Variants in DCC observed in about 807,000 individuals in gnomAD.
DCC encodes DCC netrin 1 receptor, also known as netrin receptor DCC.
A neutral mutation model predicts 172.5 loss-of-function variants in DCC; 58 were observed. The ratio of observed to expected loss-of-function variants is 0.34; its 90% CI spans 0.27 to 0.42. DCC has a LOEUF of 0.42. DCC is among the 10% of genes least tolerant of loss of function. The pLI is 1.00. For synonymous variants in DCC, 709 were observed against 644.5 expected, an observed-to-expected ratio of 1.10 and a Z score of -1.52; for missense variants, 1,740 against 1,791.0, an observed-to-expected ratio of 0.97 and a Z score of 0.51.
intron 12 of DCC, among the ~76,000 whole-genome samples, chr18:53,303,243 A>G (rs182426397): frequency 2.6e-5 from 4 of 152,174 alleles, no homozygotes; most frequent in Non-Finnish European, 5.9e-5. Flanking sequence ...TAATTTGTGC[A>G]ATCAAATTAT....
chr18:52,526,990 GCTTT>G (rs2032003054), intron 1 of DCC, among the ~76,000 whole-genome samples: 1 of 152,180 alleles, frequency 6.6e-6, no homozygotes, highest in Non-Finnish European at 1.5e-5. Flanking sequence ...ACACGCCAAT[GCTTT>G]CTTATCCAGT....
chr18:53,114,945 C>T (rs905308979), intron 7 of DCC, among the ~76,000 whole-genome samples: 1 of 151,626 alleles, frequency 6.6e-6, no homozygotes, highest in African/African-American at 2.4e-5. Context: ...AGGCCCACTG[C>T]CATCAATGCT....
At chr18:53,301,107 G>A (rs1253225271) in intron 12 of DCC, among the ~76,000 whole-genome samples, 3 of 135,232 alleles carry the variant, frequency 2.2e-5, no homozygotes, top group East Asian at 2.1e-4. Context: ...TTCTTTTTCC[G>A]AGATGGAGTT....
intron 1 of DCC, among the ~76,000 whole-genome samples, chr18:52,534,704 C>A (rs2032241865): frequency 6.6e-6 from 1 of 152,102 alleles, no homozygotes; most frequent in African/African-American, 2.4e-5. Context: ...TACTTATTTT[C>A]TCTGGATCCT....
intron 8 of DCC, among the ~76,000 whole-genome samples, chr18:53,178,253 C>T (rs192722917): frequency 1.4e-3 from 208 of 152,250 alleles, no homozygotes; most frequent in Non-Finnish European, 2.5e-3. Context: ...TCTCTTAATA[C>T]GCACTATAAA....
intron 8 of DCC, among the ~76,000 whole-genome samples, chr18:53,167,311 T>C (rs900751717): frequency 6.6e-6 from 1 of 152,190 alleles, no homozygotes; most frequent in Non-Finnish European, 1.5e-5. Context: ...TTCTGAAATG[T>C]AAAAATAGAA....
rs79540298 is a variant in DCC at position 53,021,229 on chromosome 18, C to A, written c.986-42076C>A. Among the ~76,000 whole-genome samples the A allele has an allele frequency of 6.1e-3, 936 of 152,310 alleles. 4 individuals carry two copies. Among genetic ancestry groups the A allele is most frequent in the Admixed American group, 0.011 (175 of 15,290 alleles). On this transcript the variant is annotated intron_variant, in intron 5 of 28. Transcript: ENST00000442544. ...GAGAATACCTGGCCCCGTGTTCATT[C>A]TTTCTTGTGGCTTGTAGGTCAGTGT...
At chr18:52,775,008 G>A (rs1376159817) in intron 2 of DCC, among the ~76,000 whole-genome samples, 1 of 152,152 alleles carries the variant, frequency 6.6e-6, no homozygotes, top group Non-Finnish European at 1.5e-5. Context: ...CAGTTAGAGT[G>A]GAGTTTTTTA....
At chr18:52,882,688 C>A (rs557788552) in intron 2 of DCC, among the ~76,000 whole-genome samples, 25 of 152,172 alleles carry the variant, frequency 1.6e-4, no homozygotes, top group African/African-American at 5.3e-4. Flanking sequence ...TATGGTCTAT[C>A]CTTGAGAATG....
chr18:52,977,072 T>C (rs752141095), intron 5 of DCC, among the ~76,000 whole-genome samples: 1 of 152,218 alleles, frequency 6.6e-6, no homozygotes, highest in Non-Finnish European at 1.5e-5. Context: ...TGCCCTAGTC[T>C]AGGTAATAAA....
chr18:53,396,745 C>T (rs17505951), intron 17 of DCC, among the ~76,000 whole-genome samples: 64,597 of 151,888 alleles, frequency 0.43, 15,489 homozygotes, highest in Non-Finnish European at 0.55. Context: ...CAATTAACTT[C>T]GTTACAAGTG....
chr18:52,719,200 G>C (rs933380782), intron 1 of DCC, among the ~76,000 whole-genome samples: 2 of 109,964 alleles, frequency 1.8e-5, no homozygotes, highest in Non-Finnish European at 4.5e-5. Context: ...AACACAGGAT[G>C]ATTTCATCCT....
At chr18:52,938,528 C>G (rs1273280737) in intron 5 of DCC, among the ~76,000 whole-genome samples, 1 of 152,020 alleles carries the variant, frequency 6.6e-6, no homozygotes, top group Non-Finnish European at 1.5e-5. Flanking sequence ...GCTCAAGAAT[C>G]ATAGTATCAT....
At chr18:53,032,478 A>T (rs1022698781) in intron 5 of DCC, among the ~76,000 whole-genome samples, 9 of 152,142 alleles carry the variant, frequency 5.9e-5, no homozygotes, top group East Asian at 1.9e-4. Flanking sequence ...GCATAGCATG[A>T]ATTTTGAATA....
At position 52,534,766 on chromosome 18, in the gene DCC, A is replaced by AT. The variant is rs556136999; in HGVS notation, c.91+193895dup. Among the ~76,000 whole-genome samples, 171 of 152,204 alleles carry AT rather than the reference A, an allele frequency of 1.1e-3. 1 individual carries two copies. The highest frequency in any genetic ancestry group is 4.0e-3 in the African/African-American group (165 of 41,542). ...TAAAGTACTTCATTAGGGATCTTTA[A>AT]TTTTTTTACATAAGTGAACTATTAG... On this transcript the variant is annotated intron_variant, in intron 1 of 28. Transcript: ENST00000442544.
rs567101795 is a variant in DCC at position 53,328,293 on chromosome 18, A to G, written c.2164+6136A>G. ...ATGTAAAGGATCAGGTGGGTTTTGCAGTCTTAATGACTAGGTTTGGATCCA... is the reference window on the plus strand; with the variant it reads ...ATGTAAAGGATCAGGTGGGTTTTGCGGTCTTAATGACTAGGTTTGGATCCA... On this transcript the variant is annotated intron_variant, in intron 14 of 28. Transcript: ENST00000442544. 2.3e-4 allele frequency among the ~76,000 whole-genome samples: 35 copies of G among 152,300 alleles called. 1 individual carries two copies. In the South Asian group the frequency reaches 7.0e-3, roughly 31 times the overall value.
intron 1 of DCC, among the ~76,000 whole-genome samples, chr18:52,391,846 C>T (rs573595745): frequency 7.9e-5 from 12 of 152,226 alleles, no homozygotes; most frequent in East Asian, 7.8e-4. Context: ...CATATGGGCA[C>T]GCTGCTTTTC....
chr18:53,321,140 T>C (rs910107402), intron 13 of DCC, among the ~76,000 whole-genome samples: 1 of 152,188 alleles, frequency 6.6e-6, no homozygotes, highest in Admixed American at 6.5e-5. Context: ...GCGTAATTAC[T>C]TTTATTATGC....
At chr18:53,470,114 A>G (rs1165365856) in intron 25 of DCC, among the ~76,000 whole-genome samples, 2 of 151,700 alleles carry the variant, frequency 1.3e-5, no homozygotes, top group Non-Finnish European at 2.9e-5. Context: ...GTCTTCAGGT[A>G]TCCTCTCTTT....
Sources: gnomAD v4.1 joint callset for allele counts (sites outside exome capture counted in the v4.1 genomes callset) on GRCh38, gnomAD v4.1.1 for gene constraint, MANE v1.5 for transcripts, NCBI Gene and HGNC (gene_info 2026-07-23, HGNC 2026-07-21) for gene names.